The following EPB41L4A variants were observed in gnomAD, a reference collection of about 807,000 sequenced individuals.
The protein encoded by EPB41L4A is erythrocyte membrane protein band 4.1 like 4A.
In EPB41L4A, 100 loss-of-function variants were observed where a neutral mutation model predicts 108.6. That is an observed-to-expected ratio of 0.92 (90% CI 0.78 to 1.09). The LOEUF (loss-of-function observed/expected upper bound fraction) is 1.09, where lower values mean the gene tolerates loss of function less well. Among genes scored for constraint, EPB41L4A ranks in the 50% least tolerant of loss-of-function variants. EPB41L4A has a pLI of 0.00. For synonymous variants in EPB41L4A, 319 were observed against 289.0 expected, an observed-to-expected ratio of 1.10 and a Z score of -1.05; for missense variants, 1,030 against 842.7, an observed-to-expected ratio of 1.22 and a Z score of -2.75.
chr5:112,290,875 C>A (rs1753598486), intron 2 of EPB41L4A, among the ~76,000 whole-genome samples: 1 of 152,180 alleles, frequency 6.6e-6, no homozygotes, highest in East Asian at 1.9e-4. Context: ...GCACCACCCA[C>A]ACAGTTACAC....
chr5:112,212,268 G>C (rs1441929102), intron 12 of EPB41L4A, among the ~76,000 whole-genome samples: 2 of 151,806 alleles, frequency 1.3e-5, no homozygotes, highest in Non-Finnish European at 2.9e-5. Flanking sequence ...CTAGACAGTA[G>C]GTGTGCCCTA....
At position 112,396,720 on chromosome 5, in the gene EPB41L4A, TGAGA is replaced by T. The variant is rs57541323; in HGVS notation, c.99+22217_99+22220del. 9.4e-3 allele frequency among the ~76,000 whole-genome samples: 1,420 copies of T among 151,668 alleles called. 31 individuals carry two copies. The highest frequency in any genetic ancestry group is 0.032 in the African/African-American group (1,340 of 41,398). On this transcript the variant is annotated intron_variant, in intron 1 of 22. Coordinates refer to ENST00000261486, the MANE Select transcript of EPB41L4A (RefSeq NM_022140.5). ...GCTGGCTTTCCACTTAGCAAGGTGA[TGAGA>T]GAGAGAGAGAAACAGACAGACAGAG... is the stretch of plus-strand genomic sequence containing the variant.
chr5:112,317,282 T>A (rs1246466615), intron 1 of EPB41L4A, among the ~76,000 whole-genome samples: 1 of 152,250 alleles, frequency 6.6e-6, no homozygotes, highest in East Asian at 1.9e-4. Flanking sequence ...TGATCATCTA[T>A]ATAAAAAGAA....
chr5:112,344,794 A>G (rs1190673626), intron 1 of EPB41L4A, among the ~76,000 whole-genome samples: 1 of 152,230 alleles, frequency 6.6e-6, no homozygotes, highest in African/African-American at 2.4e-5. Context: ...ACAGAAGCCA[A>G]GGACTTACAA....
At chr5:112,348,273 T>C (rs1160696602) in intron 1 of EPB41L4A, among the ~76,000 whole-genome samples, 1 of 152,192 alleles carries the variant, frequency 6.6e-6, no homozygotes, top group Non-Finnish European at 1.5e-5. Context: ...ATTTACCACA[T>C]CATGCCTGTA....
rs140759957 is a variant in EPB41L4A, at chr5:112,280,104, G to T, written c.256+168C>A. On this transcript the variant is annotated intron_variant, in intron 3 of 22. Coordinates refer to ENST00000261486, the MANE Select transcript of EPB41L4A (RefSeq NM_022140.5). ...ACTGATTAAATTTAATCTGACTTTG[G>T]AGAGGGCCTAGCAATGCACACAATA... 9.2e-3 allele frequency among the ~76,000 whole-genome samples: 1,396 copies of T among 152,258 alleles called. 31 individuals carry two copies. The highest frequency in any genetic ancestry group is 0.055 in the South Asian group (266 of 4,826).
exon 14 of EPB41L4A, chr5:112,143,683 G>C (rs147192634): frequency 4.0e-6 from 1 of 251,612 alleles, no homozygotes; most frequent in Non-Finnish European, 8.3e-6. Flanking sequence ...TATTCTTCTA[G>C]TGCCAGGAAC....
chr5:112,207,844 T>C (rs1183182822), intron 13 of EPB41L4A, among the ~76,000 whole-genome samples: 3 of 152,184 alleles, frequency 2.0e-5, no homozygotes, highest in African/African-American at 7.2e-5. Flanking sequence ...AGCTCAGCCA[T>C]TGTGGAAAGC....
intron 1 of EPB41L4A, among the ~76,000 whole-genome samples, chr5:112,367,035 C>G (rs949574719): frequency 6.6e-6 from 1 of 152,176 alleles, no homozygotes; most frequent in Non-Finnish European, 1.5e-5. Context: ...AGAGGACACA[C>G]CTTTGAGCCT....
At chr5:112,199,439 C>G (rs532346636) in intron 15 of EPB41L4A, among the ~76,000 whole-genome samples, 1 of 152,142 alleles carries the variant, frequency 6.6e-6, no homozygotes. Flanking sequence ...TCAATTAAGC[C>G]AAATGCTGGA....
chr5:112,240,650 T>G (rs1021038999), intron 10 of EPB41L4A, 69 bp downstream of exon 10: 2 of 871,952 alleles, frequency 2.3e-6, no homozygotes, highest in Non-Finnish European at 3.5e-6. Flanking sequence ...TTAGACAGAA[T>G]TCTTTTTATA....
rs373073776 is a variant in EPB41L4A, at chr5:112,271,777, A to G, written c.335+3549T>C. Among the ~76,000 whole-genome samples the G allele has an allele frequency of 3.5e-4, 53 of 152,342 alleles. No homozygotes were observed. The South Asian group carries it at 0.011, about 31-fold the overall frequency. ...GAGAGATCAGATTTATTCTGCATAG[A>G]CCATCAGGGAATTATTATTTCTTAT... On this transcript the variant is annotated intron_variant, in intron 4 of 22. Coordinates refer to ENST00000261486, the MANE Select transcript of EPB41L4A (RefSeq NM_022140.5).
At chr5:112,232,129 AGAGAGAG>A (rs1330685017) in intron 12 of EPB41L4A, among the ~76,000 whole-genome samples, 3 of 137,762 alleles carry the variant, frequency 2.2e-5, no homozygotes, top group Non-Finnish European at 3.1e-5. Context: ...AAAAAAAAAA[AGAGAGAG>A]AGAGAGAGAG....
At chr5:112,178,612 GAATAAT>G (rs1200240802) in intron 18 of EPB41L4A, among the ~76,000 whole-genome samples, 2 of 150,698 alleles carry the variant, frequency 1.3e-5, no homozygotes, top group South Asian at 2.1e-4. Context: ...AATTAAATTA[GAATAAT>G]AATAATATTT....
chr5:112,207,259 T>C (rs546606475), intron 13 of EPB41L4A, among the ~76,000 whole-genome samples: 4 of 152,296 alleles, frequency 2.6e-5, no homozygotes, highest in African/African-American at 9.6e-5. Flanking sequence ...TTCCTTTTAC[T>C]ATATTCAAAA....
At chr5:112,393,991 C>T (rs954311353) in intron 1 of EPB41L4A, among the ~76,000 whole-genome samples, 1 of 152,160 alleles carries the variant, frequency 6.6e-6, no homozygotes, top group Non-Finnish European at 1.5e-5. Context: ...ACAAAAATCA[C>T]ATGATTATCT....
Position 112,359,580 on chromosome 5 carries a change from G to A in EPB41L4A, c.100-52090C>T, listed in dbSNP as rs565392086. Among the ~76,000 whole-genome samples, 209 of 149,028 alleles carry A rather than the reference G, an allele frequency of 1.4e-3. 1 individual carries two copies. Among genetic ancestry groups the A allele is most frequent in the African/African-American group, 4.8e-3 (194 of 40,426 alleles). ...TTTTGAGACGGAGTCTTGCTCTGTCGCCCAGGCTAGAGTGCAGTGGCGCGA... is the reference window on the plus strand; with the variant it reads ...TTTTGAGACGGAGTCTTGCTCTGTCACCCAGGCTAGAGTGCAGTGGCGCGA... On this transcript the variant is annotated intron_variant, in intron 1 of 22. Coordinates refer to ENST00000261486, the MANE Select transcript of EPB41L4A (RefSeq NM_022140.5).
chr5:112,283,544 C>A (rs981856725), intron 2 of EPB41L4A, among the ~76,000 whole-genome samples: 4 of 152,094 alleles, frequency 2.6e-5, no homozygotes, highest in African/African-American at 9.7e-5. Flanking sequence ...AAAAAGGGCA[C>A]AAAAAATTGC....
intron 1 of EPB41L4A, among the ~76,000 whole-genome samples, chr5:112,329,188 T>G (rs1012140901): frequency 3.9e-5 from 6 of 152,350 alleles, no homozygotes; most frequent in Admixed American, 3.9e-4. Context: ...AATTGCTAAT[T>G]TTTTATTGAT....
Sources: allele counts gnomAD v4.1 joint callset (sites outside exome capture counted in the v4.1 genomes callset), GRCh38; gene constraint gnomAD v4.1.1; transcripts MANE v1.5; gene names NCBI Gene and HGNC (gene_info 2026-07-23, HGNC 2026-07-21).